Variants in GPHN observed in about 807,000 individuals in gnomAD.
The protein encoded by GPHN is gephyrin.
In GPHN, 17 loss-of-function variants were observed where a neutral mutation model predicts 95.5. The ratio of observed to expected loss-of-function variants is 0.18; its 90% CI spans 0.12 to 0.27. GPHN has a LOEUF of 0.27. Among genes scored for constraint, GPHN ranks in the 10% least tolerant of loss-of-function variants. The pLI, the probability that GPHN is intolerant of heterozygous loss-of-function variation, is 1.00. For missense variants in GPHN, 660 were observed against 978.1 expected, an observed-to-expected ratio of 0.67 and a Z score of 4.34; for synonymous variants, 320 against 322.5, an observed-to-expected ratio of 0.99 and a Z score of 0.08.
At chr14:67,225,926 A>AGAGTGTGTGTGTGTGT in the GPHN span, among the ~76,000 whole-genome samples, 1 of 136,630 alleles carries the variant, frequency 7.3e-6, no homozygotes, top group African/African-American at 2.7e-5. Flanking sequence ...TAATGCTGTG[A>AGAGTGTGTGTGTGTGT]GTGTGTGTGT....
At chr14:67,448,834 G>A in the GPHN span, among the ~76,000 whole-genome samples, 4 of 152,320 alleles carry the variant, frequency 2.6e-5, 1 homozygote, top group South Asian at 8.3e-4. Flanking sequence ...AAGCCTTAAA[G>A]AACCTTGACC....
chr14:67,115,994 A>G (rs1031064401), intron 16 of GPHN, among the ~76,000 whole-genome samples: 2 of 152,184 alleles, frequency 1.3e-5, no homozygotes, highest in African/African-American at 2.4e-5. Flanking sequence ...TGATTTCAAC[A>G]AACTGTGCAT....
chr14:66,774,819 A>C (rs1466297447), intron 2 of GPHN, among the ~76,000 whole-genome samples: 2 of 152,222 alleles, frequency 1.3e-5, no homozygotes, highest in Non-Finnish European at 2.9e-5. Flanking sequence ...TTCTCTGTTA[A>C]AACATTTTAA....
At chr14:67,296,482 G>A in the GPHN span, among the ~76,000 whole-genome samples, 3 of 150,498 alleles carry the variant, frequency 2.0e-5, no homozygotes, top group African/African-American at 4.9e-5. Flanking sequence ...TCAGGAGGCT[G>A]AGGCAGGAGA....
chr14:67,572,913 CCT>C, the GPHN span, among the ~76,000 whole-genome samples: 5 of 152,318 alleles, frequency 3.3e-5, no homozygotes, highest in African/African-American at 1.2e-4. Flanking sequence ...TCTTCTTCCT[CCT>C]CTCAGTCTTT....
chr14:67,155,046 A>G (rs1031009098), intron 18 of GPHN, among the ~76,000 whole-genome samples: 12 of 152,188 alleles, frequency 7.9e-5, no homozygotes, highest in Non-Finnish European at 1.5e-5. Context: ...TACAGGAGGC[A>G]AAGAAGCCAA....
At chr14:67,537,709 TG>T in the GPHN span, among the ~76,000 whole-genome samples, 4 of 152,174 alleles carry the variant, frequency 2.6e-5, no homozygotes, top group African/African-American at 9.7e-5. Flanking sequence ...TGTCAGTTTC[TG>T]CTCAAAATCC....
At chr14:67,708,757 T>A in the GPHN span, among the ~76,000 whole-genome samples, 1 of 152,018 alleles carries the variant, frequency 6.6e-6, no homozygotes, top group African/African-American at 2.4e-5. Context: ...AAGCCAAATA[T>A]GTCATTTTCG....
chr14:66,609,256 T>C (rs2140920043), intron 1 of GPHN, among the ~76,000 whole-genome samples: 1 of 152,262 alleles, frequency 6.6e-6, no homozygotes, highest in South Asian at 2.1e-4. Flanking sequence ...TTTTTAAGGC[T>C]ACTGAAAATT....
chr14:67,300,231 T>A, the GPHN span, among the ~76,000 whole-genome samples: 1 of 152,014 alleles, frequency 6.6e-6, no homozygotes, highest in Non-Finnish European at 1.5e-5. Flanking sequence ...AATTAATTAA[T>A]CCCAAAATTA....
the GPHN span, among the ~76,000 whole-genome samples, chr14:67,540,810 C>A: frequency 6.6e-6 from 1 of 152,132 alleles, no homozygotes; most frequent in African/African-American, 2.4e-5. Flanking sequence ...GTCTCCCAGG[C>A]ATTCTCTCCT....
intron 9 of GPHN, among the ~76,000 whole-genome samples, chr14:66,999,403 GA>G (rs1347685455): frequency 6.6e-6 from 1 of 151,772 alleles, no homozygotes; most frequent in Non-Finnish European, 1.5e-5. Flanking sequence ...TTTAATTCAA[GA>G]AAATGTTAGA....
intron 2 of GPHN, among the ~76,000 whole-genome samples, chr14:66,725,404 G>C (rs1207255065): frequency 1.3e-5 from 2 of 152,144 alleles, no homozygotes; most frequent in Non-Finnish European, 2.9e-5. Flanking sequence ...CTGGAAAACA[G>C]TATGTTTTAT....
intron 2 of GPHN, among the ~76,000 whole-genome samples, chr14:66,739,495 C>T (rs1236241867): frequency 2.7e-5 from 4 of 149,156 alleles, no homozygotes; most frequent in Admixed American, 6.7e-5. Context: ...GGATTACAGG[C>T]GTGAGCCACC....
the GPHN span, among the ~76,000 whole-genome samples, chr14:67,440,399 CT>C: frequency 2.6e-5 from 4 of 151,902 alleles, no homozygotes; most frequent in African/African-American, 9.7e-5. Flanking sequence ...AAATTACTGT[CT>C]CCCCCACCGA....
chr14:66,961,900 G>GTATGTATATATATATATA (rs2068929443), intron 8 of GPHN, among the ~76,000 whole-genome samples: 2 of 52,954 alleles, frequency 3.8e-5, no homozygotes. Context: ...CCCTGAATGT[G>GTATGTATATATATATATA]TATATATATA....
the GPHN span, chr14:67,574,255 A>G: frequency 3.1e-6 from 5 of 1,605,176 alleles, no homozygotes; most frequent in Non-Finnish European, 4.3e-6. This position sits in a 1 kb window ranked among gnomAD's most constrained non-coding sequence, Gnocchi z 4.2. Flanking sequence ...ATCTCTGAGA[A>G]GAAAACCTAC....
At chr14:66,905,783 T>G (rs2065349992) in intron 5 of GPHN, among the ~76,000 whole-genome samples, 1 of 152,118 alleles carries the variant, frequency 6.6e-6, no homozygotes, top group Non-Finnish European at 1.5e-5. Context: ...TATGTCCATG[T>G]GTACCAAATG....
At chr14:66,924,942 TG>T (rs937161291) in intron 8 of GPHN, among the ~76,000 whole-genome samples, 2 of 150,956 alleles carry the variant, frequency 1.3e-5, no homozygotes, top group Admixed American at 1.3e-4. Flanking sequence ...AGACATTGGA[TG>T]AAAAAAAAAC....
Sources: gnomAD v4.1 joint callset for allele counts (sites outside exome capture counted in the v4.1 genomes callset) on GRCh38, gnomAD v4.1.1 for gene constraint, Gnocchi (gnomAD v3.1) non-coding constraint, MANE v1.5 for transcripts, NCBI Gene and HGNC (gene_info 2026-07-23, HGNC 2026-07-21) for gene names.